The following PEF1 variants were observed in gnomAD, a reference collection of about 807,000 sequenced individuals.
The protein encoded by PEF1 is penta-EF-hand domain containing 1.
A neutral mutation model predicts 32.0 loss-of-function variants in PEF1; 17 were observed. That is an observed-to-expected ratio of 0.53 (90% CI 0.36 to 0.80). The LOEUF is 0.80. Ranked by LOEUF, PEF1 falls within the 30% of genes least tolerant of loss-of-function variation. The pLI is 0.00. For missense variants in PEF1, 362 were observed against 369.1 expected (o/e 0.98, Z 0.16); for synonymous variants, 130 against 139.8 (o/e 0.93, Z 0.50).
rs775689590 is a variant in PEF1 at position 31,632,491 on chromosome 1, G to A, written c.625+4C>T. 22 of 1,614,100 alleles carry A rather than the reference G, an allele frequency of 1.4e-5. No individual in the cohort carries two copies. The highest frequency in any genetic ancestry group is 1.6e-4 in the Middle Eastern group (1 of 6,084). Reference sequence around the variant, plus strand: ...GCCCATCGTGCCCCGGCCATGACCCGCACCTTGCTGCAGCTCTGTGTAGCT... The same window carrying A: ...GCCCATCGTGCCCCGGCCATGACCCACACCTTGCTGCAGCTCTGTGTAGCT... On this transcript the variant is annotated splice_donor_region_variant and intron_variant, in intron 4 of 4. Transcript: ENST00000373703.
At chr1:31,644,319 G>T (rs1557591227) in intron 1 of PEF1, 1 of 964,222 alleles carries the variant, frequency 1.0e-6, no homozygotes, top group South Asian at 4.5e-5. Context: ...TCTTCTCGGG[G>T]TTCACTTTTC....
chr1:31,634,456 TA>T (rs1232870626), intron 2 of PEF1, among the ~76,000 whole-genome samples: 3 of 152,286 alleles, frequency 2.0e-5, no homozygotes, highest in African/African-American at 7.2e-5. Context: ...TTAAATGAGA[TA>T]ACAGCAAAAT....
chr1:31,630,357 C>G lies in PEF1; in HGVS notation c.*256G>C. On this transcript the variant is annotated 3_prime_UTR_variant, in exon 5 of 5. Coordinates refer to ENST00000373703, the MANE Select transcript of PEF1 (RefSeq NM_012392.4). ...CCTGGTGCCAGGCTGTGCCACTCAACTGCTCATGGCCATCAGGACATTCAA... is the reference window on the plus strand; with the variant it reads ...CCTGGTGCCAGGCTGTGCCACTCAAGTGCTCATGGCCATCAGGACATTCAA... 2.0e-6 allele frequency: 1 copy of G among 505,792 alleles called. No individual in the cohort carries two copies. 31.3% of individuals were successfully genotyped at this position (505,792 alleles called of 1,614,324 possible). A position where few individuals can be genotyped will look rare whatever the true frequency, so the allele number is the denominator to read the frequency against.
intron 1 of PEF1, among the ~76,000 whole-genome samples, chr1:31,636,473 T>C (rs1487298292): frequency 6.6e-6 from 1 of 152,052 alleles, no homozygotes; most frequent in African/African-American, 2.4e-5. Context: ...TAAGATCCGA[T>C]CTCAAAACAA....
In PEF1 at chr1:31,635,442, C is replaced by A; in HGVS notation, c.105G>T (p.Gln35His). ...YYPGPPNSGG[Q>H]YGSGLPPGGG... is the part of the protein sequence containing the mutation. ...CACCAGGGGGTAGCCCACTACCATACTGCCCTCCACTATTGGGGGGTCCAG... is the reference window on the plus strand; with the variant it reads ...CACCAGGGGGTAGCCCACTACCATAATGCCCTCCACTATTGGGGGGTCCAG... Residue 35 changes from glutamine (Q) to histidine (H), a missense_variant, in exon 2 of 5, where the codon CAG becomes CAT. Physicochemically the swap from Gln to His is conservative, Grantham distance 24. Transcript: ENST00000373703. 6.2e-7 allele frequency: 1 copy of A among 1,605,572 alleles called. No homozygotes were observed. Among genetic ancestry groups the A allele is most frequent in the Non-Finnish European group, 8.5e-7 (1 of 1,175,006 alleles).
Position 31,632,498 on chromosome 1 carries a change from G to A in PEF1, c.622C>T (p.Gln208Ter). The change falls in exon 4 of 5, where the codon CAA (glutamine) becomes TAA (stop). Residue 208 changes from glutamine to a stop codon, truncating the protein, a stop_gained. Coordinates refer to ENST00000373703, the MANE Select transcript of PEF1 (RefSeq NM_012392.4). LOFTEE classifies it high-confidence loss of function. ...SGSISYTELQ[Q>*]ALSQMGYNLS... ...GTGCCCCGGCCATGACCCGCACCTT[G>A]CTGCAGCTCTGTGTAGCTAATGGAG... is the stretch of plus-strand genomic sequence containing the variant. The A allele has an allele frequency of 6.2e-7, 1 of 1,614,260 alleles. No individual in the cohort carries two copies. Among genetic ancestry groups the A allele is most frequent in the Non-Finnish European group, 8.5e-7 (1 of 1,180,054 alleles).
intron 4 of PEF1, among the ~76,000 whole-genome samples, chr1:31,631,115 C>G (rs150804195): frequency 3.9e-5 from 6 of 152,148 alleles, no homozygotes; most frequent in African/African-American, 9.7e-5. Context: ...ATTGCAGAGA[C>G]GACAACGGAC....
intron 1 of PEF1, among the ~76,000 whole-genome samples, chr1:31,642,190 G>A (rs1306129384): frequency 6.6e-6 from 1 of 152,196 alleles, no homozygotes; most frequent in African/African-American, 2.4e-5. Flanking sequence ...CCAAGATTGT[G>A]CCATTGCACT....
intron 1 of PEF1, among the ~76,000 whole-genome samples, chr1:31,635,937 C>A (rs1640242165): frequency 1.3e-5 from 2 of 152,194 alleles, no homozygotes; most frequent in Non-Finnish European, 2.9e-5. Flanking sequence ...CCATCTCTAT[C>A]TGCAGAACTC....
At chr1:31,634,778 T>A (rs1259931143) in intron 2 of PEF1, 1 of 448,374 alleles carries the variant, frequency 2.2e-6, no homozygotes, top group African/African-American at 2.0e-5. Context: ...CTGATGTCAG[T>A]CTTGATCAGG....
intron 1 of PEF1, among the ~76,000 whole-genome samples, chr1:31,640,242 C>T (rs912213796): frequency 6.6e-6 from 1 of 152,206 alleles, no homozygotes; most frequent in Non-Finnish European, 1.5e-5. Context: ...CACTAATCCT[C>T]AGTCCTGTGA....
chr1:31,638,625 C>T (rs910445114), intron 1 of PEF1, among the ~76,000 whole-genome samples: 1 of 152,256 alleles, frequency 6.6e-6, no homozygotes, highest in South Asian at 2.1e-4. Flanking sequence ...AGGCAGGTCT[C>T]CTGCCCTTCT....
chr1:31,631,638 A>C (rs149083263), intron 4 of PEF1, among the ~76,000 whole-genome samples: 1 of 152,378 alleles, frequency 6.6e-6, no homozygotes, highest in East Asian at 1.9e-4. Flanking sequence ...AATAGTACCT[A>C]GCACATGGGA....
At chr1:31,642,743 G>A (rs1281302854) in intron 1 of PEF1, among the ~76,000 whole-genome samples, 5 of 152,234 alleles carry the variant, frequency 3.3e-5, no homozygotes, top group East Asian at 3.9e-4. Flanking sequence ...GAGCAGTCAC[G>A]GCAGCAAGAG....
chr1:31,644,409 T>C (rs1458061782), intron 1 of PEF1: 1 of 1,032,434 alleles, frequency 9.7e-7, no homozygotes, highest in Non-Finnish European at 1.2e-6. Flanking sequence ...CAGAGTTTCC[T>C]GATGACTCTG....
At chr1:31,632,688 C>A (rs1557584650) in intron 3 of PEF1, 50 bp from the exon 4 acceptor site, 1 of 1,592,872 alleles carries the variant, frequency 6.3e-7, no homozygotes, top group Non-Finnish European at 8.6e-7. Flanking sequence ...GACTGAAGGC[C>A]AAGGGTCCCC....
chr1:31,632,349 G>A (rs777781113), intron 4 of PEF1, 146 bp downstream of exon 4: 118 of 1,375,642 alleles, frequency 8.6e-5, no homozygotes, highest in Non-Finnish European at 1.1e-4. Context: ...AAGAAGGGGT[G>A]AGGGATGCAG....
Position 31,630,780 on chromosome 1 carries a change from A to T in PEF1, c.688T>A (p.Cys230Ser), listed in dbSNP as rs1218449835. 4 of 1,613,834 alleles carry T rather than the reference A, an allele frequency of 2.5e-6. No homozygotes were observed. Among genetic ancestry groups the T allele is most frequent in the Non-Finnish European group, 3.4e-6 (4 of 1,180,036 alleles). The change falls in exon 5 of 5, where the codon TGC (cysteine) becomes AGC (serine). Residue 230 changes from cysteine (C) to serine (S), a missense_variant. By Grantham distance (112) the Cys-to-Ser change is moderately radical (BLOSUM62 -1). Transcript: ENST00000373703. ...ATGGCAGGATTGGCAGAGCGTGGGC[A>T]GTAGCGGGAGACCAGAAGCTGGGTG... Reference protein sequence around the residue: ...QFTQLLVSRYCPRSANPAMQL... With the variant: ...QFTQLLVSRYSPRSANPAMQL...
intron 1 of PEF1, 31 bp from the exon 2 acceptor site, chr1:31,635,553 G>A (rs1261553439): frequency 6.7e-7 from 1 of 1,502,042 alleles, no homozygotes; most frequent in Admixed American, 2.3e-5. Flanking sequence ...CAGTCAGAAT[G>A]ATGAGGCCAG....
Sources: gnomAD v4.1 joint callset for allele counts (sites outside exome capture counted in the v4.1 genomes callset) on GRCh38, gnomAD v4.1.1 for gene constraint, MANE v1.5 for transcripts, NCBI Gene and HGNC (gene_info 2026-07-23, HGNC 2026-07-21) for gene names.